MYOM2: variants seen among roughly 807,000 people sequenced by gnomAD.
MYOM2 encodes myomesin 2, also known as myomesin-2.
MYOM2 carries 254 observed loss-of-function variants against 187.6 expected under a neutral mutation model. That is an observed-to-expected ratio of 1.35 (90% CI 1.22 to 1.50). The LOEUF (loss-of-function observed/expected upper bound fraction) is 1.50, where lower values mean the gene tolerates loss of function less well. Among genes scored for constraint, MYOM2 ranks in the 40% most tolerant of loss-of-function variants. The pLI, the probability that MYOM2 is intolerant of heterozygous loss-of-function variation, is 0.00. For missense variants in MYOM2, 2,796 were observed against 1,924.0 expected, an observed-to-expected ratio of 1.45 and a Z score of -8.48; for synonymous variants, 981 against 753.8, an observed-to-expected ratio of 1.30 and a Z score of -4.94.
chr8:2,129,327 ACTGCCATTTCCC>A, intron 32 of MYOM2, 95 bp downstream of exon 32: 2 of 729,920 alleles, frequency 2.7e-6, no homozygotes, highest in South Asian at 3.7e-5. Flanking sequence ...ACATCAAGGC[ACTGCCATTTCCC>A]CTCAAAATTT....
At chr8:2,141,282 AAG>A in intron 34 of MYOM2, 105 bp downstream of exon 34, 1 of 944,180 alleles carries the variant, frequency 1.1e-6, no homozygotes, top group Non-Finnish European at 1.6e-6. Context: ...GACCTAAAGA[AAG>A]AGCCATTCCT....
intron 6 of MYOM2, among the ~76,000 whole-genome samples, chr8:2,063,359 G>A (rs1163819933): frequency 1.3e-5 from 2 of 152,150 alleles, no homozygotes; most frequent in South Asian, 2.1e-4. Flanking sequence ...CCTTGGCCAC[G>A]GTAGCTGGAT....
chr8:2,079,007 T>G, intron 12 of MYOM2, 74 bp downstream of exon 12: 1 of 1,449,340 alleles, frequency 6.9e-7, no homozygotes, highest in Non-Finnish European at 9.6e-7. Flanking sequence ...TGTTGTCTCT[T>G]TCCCTCCCAA....
At chr8:2,089,917 A>T (rs1563450576) in intron 14 of MYOM2, 91 bp from the exon 15 acceptor site, 1 of 1,268,484 alleles carries the variant, frequency 7.9e-7, no homozygotes, top group Non-Finnish European at 1.1e-6. Flanking sequence ...TGGTCCTGGG[A>T]TAGCGAGAAC....
At chr8:2,101,221 C>T (rs967540199) in intron 20 of MYOM2, among the ~76,000 whole-genome samples, 167 bp downstream of exon 20, 5 of 152,174 alleles carry the variant, frequency 3.3e-5, no homozygotes, top group Admixed American at 6.5e-5. Flanking sequence ...GGCACCGTGG[C>T]AGGCACCTGT....
chr8:2,143,928 A>G (rs1798366917), intron 36 of MYOM2, among the ~76,000 whole-genome samples: 1 of 152,252 alleles, frequency 6.6e-6, no homozygotes, highest in Admixed American at 6.5e-5. Flanking sequence ...ATTGTGGAAC[A>G]CATCGTGGAA....
intron 13 of MYOM2, among the ~76,000 whole-genome samples, chr8:2,080,980 G>T (rs1427993423): frequency 1.4e-5 from 2 of 139,222 alleles, no homozygotes; most frequent in South Asian, 4.7e-4. Context: ...CCTGCGGGAG[G>T]AACAGGCAGC....
intron 32 of MYOM2, among the ~76,000 whole-genome samples, chr8:2,131,804 T>G (rs934060479): frequency 2.4e-4 from 37 of 151,830 alleles, no homozygotes; most frequent in Non-Finnish European, 4.6e-4. Context: ...CCACCACGCC[T>G]GGCTAATTTT....
intron 13 of MYOM2, among the ~76,000 whole-genome samples, chr8:2,084,214 C>A (rs950564501): frequency 1.3e-5 from 2 of 152,200 alleles, no homozygotes; most frequent in African/African-American, 4.8e-5. Context: ...GCCCCAGTTA[C>A]CCTCTGCATT....
At chr8:2,090,469 TA>T (rs1233924241) in intron 15 of MYOM2, among the ~76,000 whole-genome samples, 1 of 152,210 alleles carries the variant, frequency 6.6e-6, no homozygotes. Context: ...TTTAAACTTT[TA>T]AAAAAACTTT....
intron 8 of MYOM2, among the ~76,000 whole-genome samples, chr8:2,070,241 C>A (rs1034982460): frequency 1.3e-5 from 2 of 152,186 alleles, no homozygotes. Flanking sequence ...AGGAAGGAAC[C>A]GTACATTCCG....
At chr8:2,069,963 T>G (rs955003825) in intron 8 of MYOM2, among the ~76,000 whole-genome samples, 1 of 152,220 alleles carries the variant, frequency 6.6e-6, no homozygotes, top group Non-Finnish European at 1.5e-5. Flanking sequence ...AACAAATGAC[T>G]TCAGGTCAAA....
Position 2,108,838 on chromosome 8 carries a change from A to C in MYOM2, c.3043+8A>C, listed in dbSNP as rs2116810944. 1 of 1,613,898 alleles carries C rather than the reference A, an allele frequency of 6.2e-7. No individual in the cohort carries two copies. Among genetic ancestry groups the C allele is most frequent in the East Asian group, 2.2e-5 (1 of 44,862 alleles). On this transcript the variant is annotated splice_region_variant and intron_variant, in intron 24 of 36. Transcript: ENST00000262113. ...ATGAAATAAAGAACCCCAGTAAGTA[A>C]GCCTCCAGCCCTTCCCCTCTGCTTG...
At position 2,129,237 on chromosome 8, in the gene MYOM2, G is replaced by A; in HGVS notation, c.3800+5G>A. 1 of 1,593,396 alleles carries A rather than the reference G, an allele frequency of 6.3e-7. No individual in the cohort carries two copies. Among genetic ancestry groups the A allele is most frequent in the Non-Finnish European group, 8.6e-7 (1 of 1,161,718 alleles). ...GAAAGTGAACTGGTGTCACAAGTAA[G>A]TATGACAGCAGCCGATGGAGGCCAT... On this transcript the variant is annotated splice_donor_5th_base_variant and intron_variant, in intron 32 of 36. Transcript: ENST00000262113.
intron 15 of MYOM2, among the ~76,000 whole-genome samples, chr8:2,090,488 G>C (rs1217319861): frequency 6.6e-6 from 1 of 152,046 alleles, no homozygotes; most frequent in Non-Finnish European, 1.5e-5. Context: ...TTTTATTTTA[G>C]GTTCAGGGGT....
At chr8:2,071,587 T>A (rs1375154078) in intron 8 of MYOM2, among the ~76,000 whole-genome samples, 1 of 152,184 alleles carries the variant, frequency 6.6e-6, no homozygotes, top group South Asian at 2.1e-4. Flanking sequence ...AGGTTGGACT[T>A]AAACCTTTGG....
At chr8:2,090,317 A>G in intron 15 of MYOM2, 126 bp downstream of exon 15, 1 of 885,910 alleles carries the variant, frequency 1.1e-6, no homozygotes, top group Non-Finnish European at 1.6e-6. Flanking sequence ...GTGGACTTAA[A>G]ACTTCACTTT....
rs1819139488 is a variant in MYOM2 at position 2,069,450 on chromosome 8, T to C, written c.746T>C (p.Phe249Ser). 1 of 1,614,230 alleles carries C rather than the reference T, an allele frequency of 6.2e-7. No homozygotes were observed. The highest frequency in any genetic ancestry group is 8.5e-7 in the Non-Finnish European group (1 of 1,180,030). ...CACTCACTTTGCTGTCTTGCAGGGT[T>C]CCGGGGAGACGAGGAACCATTCCGT... ...STNAAVVVRR[F>S]RGDEEPFRSV... Residue 249 changes from phenylalanine to serine, a missense_variant, in exon 8 of 37, where the codon TTC becomes TCC. By Grantham distance (155) the Phe-to-Ser change is radical. Transcript: ENST00000262113.
chr8:2,143,064 G>A (rs760504459), intron 35 of MYOM2, among the ~76,000 whole-genome samples: 4 of 151,976 alleles, frequency 2.6e-5, no homozygotes, highest in Admixed American at 1.3e-4. Flanking sequence ...CCAGGACCCC[G>A]TCACTTTCTG....
Sources: allele counts gnomAD v4.1 joint callset (sites outside exome capture counted in the v4.1 genomes callset), GRCh38; gene constraint gnomAD v4.1.1; transcripts MANE v1.5; gene names NCBI Gene and HGNC (gene_info 2026-07-23, HGNC 2026-07-21).